MYO5B: variants seen among roughly 807,000 people sequenced by gnomAD.
MYO5B encodes unconventional myosin-Vb.
A neutral mutation model predicts 229.3 loss-of-function variants in MYO5B; 143 were observed. That is an observed-to-expected ratio of 0.62 (90% CI 0.54 to 0.72). MYO5B has a LOEUF of 0.72. Ranked by LOEUF, MYO5B falls within the 30% of genes least tolerant of loss-of-function variation. The pLI is 0.00. For missense variants in MYO5B, 2,321 were observed against 2,331.0 expected (o/e 1.00, Z 0.09); for synonymous variants, 918 against 885.2 (o/e 1.04, Z -0.66).
chr18:50,043,251 T>A (rs2030075875), intron 2 of MYO5B, among the ~76,000 whole-genome samples: 1 of 126,628 alleles, frequency 7.9e-6, no homozygotes, highest in Admixed American at 9.6e-5. Flanking sequence ...TATATATACA[T>A]AAATATTCAT....
intron 1 of MYO5B, among the ~76,000 whole-genome samples, chr18:50,163,779 C>A (rs1160717003): frequency 6.6e-6 from 1 of 152,176 alleles, no homozygotes; most frequent in Non-Finnish European, 1.5e-5. Context: ...ATGGAGCTGG[C>A]CCCTCCCATG....
At chr18:49,826,908 A>C (rs766227466) in intron 39 of MYO5B, among the ~76,000 whole-genome samples, 1 of 151,970 alleles carries the variant, frequency 6.6e-6, no homozygotes, top group Non-Finnish European at 1.5e-5. Context: ...CTCAGGTGCA[A>C]ACCATATGGA....
chr18:49,932,375 C>T (rs913848263), intron 16 of MYO5B, among the ~76,000 whole-genome samples: 1 of 152,198 alleles, frequency 6.6e-6, no homozygotes, highest in Admixed American at 6.5e-5. Flanking sequence ...CCCCAGAAGG[C>T]ACCTGGCACA....
chr18:49,847,204 C>T lies in MYO5B; in HGVS notation c.4401G>A (p.Gln1467=). The change falls in exon 33 of 40, where the codon CAG becomes CAA. Residue 1467 remains glutamine, a synonymous_variant. Transcript: ENST00000285039. Reference sequence around the variant, plus strand: ...CCTCTTTGTGGTACTCCAGCATGCCCTGGAAATCCTTCTCTTTCCGCTGGA... The same window carrying T: ...CCTCTTTGTGGTACTCCAGCATGCCTTGGAAATCCTTCTCTTTCCGCTGGA... ...VTVQRKEKDF[Q]GMLEYHKEDE... 1 of 1,614,148 alleles carries T rather than the reference C, an allele frequency of 6.2e-7. No individual in the cohort carries two copies. Among genetic ancestry groups the T allele is most frequent in the Non-Finnish European group, 8.5e-7 (1 of 1,180,030 alleles).
At position 49,992,288 on chromosome 18, in the gene MYO5B, C is replaced by T. The variant is rs1194248997; in HGVS notation, c.756G>A (p.Gln252=). The T allele has an allele frequency of 6.2e-7, 1 of 1,614,146 alleles. No individual in the cohort carries two copies. Among genetic ancestry groups the T allele is most frequent in the Non-Finnish European group, 8.5e-7 (1 of 1,180,016 alleles). ...YLLEKSRVVF[Q]ADDERNYHIF... ...AAAGGGCGCAAATCCTCCCACTCAC[C>T]TGGAAGACCACTCTGGACTTCTCCA... Residue 252 remains glutamine (Q), a splice_region_variant and synonymous_variant, in exon 6 of 40, where the codon CAG becomes CAA. Transcript: ENST00000285039.
intron 7 of MYO5B, among the ~76,000 whole-genome samples, chr18:49,988,999 AT>A (rs1375023488): frequency 6.6e-6 from 1 of 152,132 alleles, no homozygotes; most frequent in African/African-American, 2.4e-5. Context: ...CCCAATTTAA[AT>A]ATTACTTCCT....
intron 14 of MYO5B, among the ~76,000 whole-genome samples, chr18:49,938,168 T>C (rs919664906): frequency 9.9e-5 from 15 of 152,214 alleles, no homozygotes; most frequent in African/African-American, 3.1e-4. Flanking sequence ...TTATTGCATC[T>C]TGTCAAGTTA....
At chr18:49,960,392 C>A (rs1319743995) in intron 12 of MYO5B, among the ~76,000 whole-genome samples, 1 of 152,314 alleles carries the variant, frequency 6.6e-6, no homozygotes, top group East Asian at 1.9e-4. Flanking sequence ...GTTGCCCAGC[C>A]ACGGCAAACC....
rs760381326 is a variant in MYO5B at position 49,849,627 on chromosome 18, T to A, written c.4255A>T (p.Asn1419Tyr). The change falls in exon 32 of 40, where the codon AAT (asparagine) becomes TAT (tyrosine). Residue 1419 changes from asparagine to tyrosine, a missense_variant. By Grantham distance (143) the Asn-to-Tyr change is moderately radical. Around this residue, in one of 2 missense-constraint regions of MYO5B, gnomAD observed 2,113 missense variants for 2,044.7 expected, o/e 1.03. Coordinates refer to ENST00000285039, the MANE Select transcript of MYO5B (RefSeq NM_001080467.3). ...LKELVEKLEK[N>Y]ERKLKKQLKI... ...AGTTGCTTTTTGAGCTTCCTCTCAT[T>A]CTTTTCCAGCTTTTCTACCAGTTCT... The A allele has an allele frequency of 6.2e-7, 1 of 1,613,958 alleles. No individual in the cohort carries two copies. The highest frequency in any genetic ancestry group is 1.1e-5 in the South Asian group (1 of 91,060).
In MYO5B at chr18:49,902,866, T is replaced by TCC. The variant is rs780027429; in HGVS notation, c.2572-34_2572-33insGG. On this transcript the variant is annotated intron_variant, in intron 20 of 39. Transcript: ENST00000285039. ...GAAACAAGGATACACATCTTGTGGG[T>TCC]TTGCACTGCAGGACAGGAGTGAAGG... The TCC allele has an allele frequency of 6.9e-6, 11 of 1,596,162 alleles. No individual in the cohort carries two copies. The East Asian group carries it at 2.2e-4, about 32-fold the overall frequency.
chr18:49,853,583 C>G lies in MYO5B; in HGVS notation c.4087G>C (p.Ala1363Pro). The change falls in exon 31 of 40, where the codon GCT becomes CCT. Residue 1363 changes from alanine (A) to proline (P), a missense_variant. By Grantham distance (27) the Ala-to-Pro change is conservative (BLOSUM62 -1). Transcript: ENST00000285039. Reference sequence around the variant, plus strand: ...TCCTCCTTCAGGGCCTCGAGCTGAGCCTTGAGATGCTCCACCTCCTCCTCA... The same window carrying G: ...TCCTCCTTCAGGGCCTCGAGCTGAGGCTTGAGATGCTCCACCTCCTCCTCA... ...EHEEEVEHLKAQLEALKEEMD... is the reference protein window; with the variant it reads ...EHEEEVEHLKPQLEALKEEMD... The G allele has an allele frequency of 6.2e-7, 1 of 1,614,138 alleles. No individual in the cohort carries two copies.
chr18:49,859,163 C>T (rs1367065011), intron 29 of MYO5B, among the ~76,000 whole-genome samples: 1 of 152,206 alleles, frequency 6.6e-6, no homozygotes, highest in African/African-American at 2.4e-5. Context: ...TGTAATGAGC[C>T]CGTGGCCCGG....
At chr18:49,866,508 C>T (rs2024398522) in intron 27 of MYO5B, among the ~76,000 whole-genome samples, 1 of 152,204 alleles carries the variant, frequency 6.6e-6, no homozygotes. Flanking sequence ...AACTCCCCAT[C>T]CCCGCTCCTC....
Position 49,906,642 on chromosome 18 carries a change from A to C in MYO5B, c.2203-12T>G, listed in dbSNP as rs769672603. ...AACTTGTCGGGGTCCTTTACAAGGT[A>C]GGGAGGGGATCTGGTTGGTCACCAG... On this transcript the variant is annotated splice_polypyrimidine_tract_variant and intron_variant, in intron 18 of 39. Coordinates refer to ENST00000285039, the MANE Select transcript of MYO5B (RefSeq NM_001080467.3). The C allele has an allele frequency of 3.7e-6, 6 of 1,609,596 alleles. No individual in the cohort carries two copies. In the Admixed American group the frequency reaches 1.0e-4, roughly 27 times the overall value.
chr18:50,079,242 A>G lies in MYO5B; in HGVS notation c.28-23864T>C, dbSNP rs1279125599. 2.0e-5 allele frequency among the ~76,000 whole-genome samples: 3 copies of G among 152,348 alleles called. No individual in the cohort carries two copies. The East Asian group carries it at 5.8e-4, about 29-fold the overall frequency. Reference sequence around the variant, plus strand: ...ATCTTACTTCAATAAAAAGTTCAAGAAAGTTAGAGAATTTTCCGTCTTGCT... The same window carrying G: ...ATCTTACTTCAATAAAAAGTTCAAGGAAGTTAGAGAATTTTCCGTCTTGCT... On this transcript the variant is annotated intron_variant, in intron 1 of 39. Coordinates refer to ENST00000285039, the MANE Select transcript of MYO5B (RefSeq NM_001080467.3).
chr18:49,858,101 C>T (rs140301930), intron 29 of MYO5B, among the ~76,000 whole-genome samples: 1 of 152,202 alleles, frequency 6.6e-6, no homozygotes, highest in African/African-American at 2.4e-5. Flanking sequence ...AAGGGACTTC[C>T]TCCTCAGCCA....
intron 1 of MYO5B, among the ~76,000 whole-genome samples, chr18:50,086,574 G>A (rs576636639): frequency 6.6e-6 from 1 of 152,286 alleles, no homozygotes; most frequent in Non-Finnish European, 1.5e-5. Flanking sequence ...ATATTGCTCA[G>A]AACCTATTAT....
chr18:50,078,454 G>T (rs1338003836), intron 1 of MYO5B, among the ~76,000 whole-genome samples: 1 of 152,092 alleles, frequency 6.6e-6, no homozygotes, highest in Non-Finnish European at 1.5e-5. Context: ...AATCTGGATT[G>T]ACACATTTCA....
chr18:50,091,960 C>T (rs1462258560), intron 1 of MYO5B, among the ~76,000 whole-genome samples: 1 of 152,164 alleles, frequency 6.6e-6, no homozygotes, highest in East Asian at 1.9e-4. Context: ...TGTGATTAGT[C>T]AGGGCAGCCC....
Sources: gnomAD v4.1 joint callset for allele counts (sites outside exome capture counted in the v4.1 genomes callset) on GRCh38, gnomAD v4.1.1 for gene constraint, gnomAD v4.1.1 regional missense constraint, MANE v1.5 for transcripts, NCBI Gene and HGNC (gene_info 2026-07-23, HGNC 2026-07-21) for gene names.